ADRA2A: variants seen among roughly 807,000 people sequenced by gnomAD.
ADRA2A encodes the protein adrenoceptor alpha 2A.
In ADRA2A, 6 loss-of-function variants were observed where a neutral mutation model predicts 5.9. The ratio of observed to expected loss-of-function variants is 1.01; its 90% confidence interval spans 0.55 to 2.00. The LOEUF (loss-of-function observed/expected upper bound fraction) is 2.00, where lower values mean the gene tolerates loss of function less well. Ranked by LOEUF, ADRA2A falls within the 30% of genes most tolerant of loss-of-function variation. The pLI, the probability that ADRA2A is intolerant of heterozygous loss-of-function variation, is 0.00. For synonymous variants in ADRA2A, 345 were observed against 325.9 expected, an observed-to-expected ratio of 1.06 and a Z score of -0.63; for missense variants, 647 against 690.0, an observed-to-expected ratio of 0.94 and a Z score of 0.70.
Position 111,078,715 on chromosome 10 carries a change from G to C in ADRA2A, c.719G>C (p.Arg240Pro). Residue 240 changes from arginine to proline, a missense_variant, in exon 1 of 1, where the codon CGT becomes CCT. Physicochemically the swap from Arg to Pro is moderately radical, Grantham distance 103. This residue lies in a region of ADRA2A where 577 missense variants were observed against 605.4 expected (regional missense o/e 0.95). Transcript: ENST00000280155. ...VYVRIYQIAK[R>P]RTRVPPSRRG... is the part of the protein sequence containing the mutation. ...GTGCGCATCTACCAGATCGCCAAGC[G>C]TCGCACCCGCGTGCCACCCAGCCGC... 6.6e-7 allele frequency: 1 copy of C among 1,517,746 alleles called. No homozygotes were observed. Among genetic ancestry groups the C allele is most frequent in the Non-Finnish European group, 8.8e-7 (1 of 1,137,588 alleles). The allele number at this position is 1,517,746 out of a possible 1,614,324, so 94.0% of individuals were successfully genotyped here.
Position 111,078,823 on chromosome 10 carries a change from C to A in ADRA2A, c.827C>A (p.Pro276Gln), listed in dbSNP as rs1207591864. The A allele has an allele frequency of 8.1e-6, 10 of 1,228,580 alleles. No homozygotes were observed. The highest frequency in any genetic ancestry group is 1.0e-5 in the Non-Finnish European group (10 of 983,748). 76.1% of individuals were successfully genotyped at this position (1,228,580 alleles called of 1,614,324 possible). Residue 276 changes from proline to glutamine, a missense_variant, in exon 1 of 1, where the codon CCG becomes CAG. Pro to Gln is a moderately conservative substitution (Grantham distance 76). Around this residue, in one of 3 missense-constraint regions of ADRA2A, gnomAD observed 577 missense variants for 605.4 expected, o/e 0.95. Coordinates refer to ENST00000280155, the MANE Select transcript of ADRA2A (RefSeq NM_000681.4). ...NGLGPERSAGPGGAEAEPLPT... is the reference protein window; with the variant it reads ...NGLGPERSAGQGGAEAEPLPT... ...CTGGGCCCCGAGCGCAGCGCGGGCC[C>A]GGGGGGCGCAGAGGCCGAACCGCTG...
rs201804522 is a variant in ADRA2A, at chr10:111,079,247, C to G, written c.1251C>G (p.Ser417=). ...ACACGCTCACGGCCGTCGGGTGCTC[C>G]GTGCCACGCACGCTCTTCAAATTCT... ...FTYTLTAVGC[S]VPRTLFKFFF... is the part of the protein sequence containing the mutation. Residue 417 remains serine (S), a synonymous_variant, in exon 1 of 1, where the codon TCC becomes TCG. Transcript: ENST00000280155. The G allele has an allele frequency of 8.7e-6, 14 of 1,614,044 alleles. No individual in the cohort carries two copies. The highest frequency in any genetic ancestry group is 3.3e-5 in the South Asian group (3 of 91,082).
rs1843545672 is a variant in ADRA2A, at chr10:111,077,625, T to C, written c.-372T>C. 1 of 153,536 alleles carries C rather than the reference T, an allele frequency of 6.5e-6. No individual in the cohort carries two copies. Among genetic ancestry groups the C allele is most frequent in the Non-Finnish European group, 1.5e-5 (1 of 68,834 alleles). The allele number at this position is 153,536 out of a possible 1,614,324, so 9.5% of individuals were successfully genotyped here. A position where few individuals can be genotyped will look rare whatever the true frequency, so the allele number is the denominator to read the frequency against. ...AGATATTGATATGTATATATATATT[T>C]AATTTCCTGTCATCCTTCCAAGTTA... On this transcript the variant is annotated 5_prime_UTR_variant, in exon 1 of 1. An upstream open reading frame in the 5' UTR loses its in-frame stop. Transcript: ENST00000280155.
rs1479189264 is a variant in ADRA2A at position 111,077,831 on chromosome 10, G to A, written c.-166G>A. 2 of 1,133,390 alleles carry A rather than the reference G, an allele frequency of 1.8e-6. No homozygotes were observed. The highest frequency in any genetic ancestry group is 6.5e-5 in the East Asian group (2 of 30,602). The allele number at this position is 1,133,390 out of a possible 1,614,324, so 70.2% of individuals were successfully genotyped here. On this transcript the variant is annotated 5_prime_UTR_variant, in exon 1 of 1. Transcript: ENST00000280155. ...GCCAGGCGCAGTTCGCGGGACCCGG[G>A]CCATGGGCCGCTAGCGGTCCTCCAG...
Position 111,078,783 on chromosome 10 carries a change from C to A in ADRA2A, c.787C>A (p.Arg263Ser), listed in dbSNP as rs1453916622. ...AVAAPPGGTE[R>S]RPNGLGPERS... ...CGCCGCGCCGCCGGGGGGCACCGAG[C>A]GCAGGCCCAACGGTCTGGGCCCCGA... is the stretch of plus-strand genomic sequence containing the variant. Residue 263 changes from arginine to serine, a missense_variant, in exon 1 of 1, where the codon CGC becomes AGC. By Grantham distance (110) the Arg-to-Ser change is moderately radical. This residue lies in a region of ADRA2A where 577 missense variants were observed against 605.4 expected (regional missense o/e 0.95). Coordinates refer to ENST00000280155, the MANE Select transcript of ADRA2A (RefSeq NM_000681.4). 1 of 1,408,196 alleles carries A rather than the reference C, an allele frequency of 7.1e-7. No individual in the cohort carries two copies. 87.2% of individuals were successfully genotyped at this position (1,408,196 alleles called of 1,614,324 possible).
chr10:111,079,530 C>G lies in ADRA2A; in HGVS notation c.*136C>G, dbSNP rs1843574096. 1 of 932,552 alleles carries G rather than the reference C, an allele frequency of 1.1e-6. No individual in the cohort carries two copies. Among genetic ancestry groups the G allele is most frequent in the Non-Finnish European group, 1.6e-6 (1 of 616,680 alleles). 57.8% of individuals were successfully genotyped at this position (932,552 alleles called of 1,614,324 possible). ...TCCTCGTCTGGGGTGGCTCTGCAGC[C>G]TCCTGCGGGCGGGCGTCTGCTGCTC... On this transcript the variant is annotated 3_prime_UTR_variant, in exon 1 of 1. Transcript: ENST00000280155.
chr10:111,079,557 T>C lies in ADRA2A; in HGVS notation c.*163T>C. On this transcript the variant is annotated 3_prime_UTR_variant, in exon 1 of 1. Coordinates refer to ENST00000280155, the MANE Select transcript of ADRA2A (RefSeq NM_000681.4). Reference sequence around the variant, plus strand: ...CCTGCGGGCGGGCGTCTGCTGCTCCTACAAGGGAAGCTTCTTGCTGCCAGG... The same window carrying C: ...CCTGCGGGCGGGCGTCTGCTGCTCCCACAAGGGAAGCTTCTTGCTGCCAGG... The C allele has an allele frequency of 1.4e-6, 1 of 726,102 alleles. No individual in the cohort carries two copies. The highest frequency in any genetic ancestry group is 1.9e-5 in the South Asian group (1 of 52,944). The allele number at this position is 726,102 out of a possible 1,614,324, so 45.0% of individuals were successfully genotyped here. A position where few individuals can be genotyped will look rare whatever the true frequency, so the allele number is the denominator to read the frequency against.
chr10:111,078,719 C>A lies in ADRA2A; in HGVS notation c.723C>A (p.Arg241=). The change falls in exon 1 of 1, where the codon CGC becomes CGA. Residue 241 remains arginine, a synonymous_variant. Transcript: ENST00000280155. The part of the protein sequence containing the change: ...YVRIYQIAKR[R]TRVPPSRRGP... ...GCATCTACCAGATCGCCAAGCGTCG[C>A]ACCCGCGTGCCACCCAGCCGCCGGG... 1 of 1,513,146 alleles carries A rather than the reference C, an allele frequency of 6.6e-7. No homozygotes were observed. Among genetic ancestry groups the A allele is most frequent in the South Asian group, 1.3e-5 (1 of 74,148 alleles). The allele number at this position is 1,513,146 out of a possible 1,614,324, so 93.7% of individuals were successfully genotyped here.
Position 111,079,863 on chromosome 10 carries a change from C to G in ADRA2A, c.*469C>G, listed in dbSNP as rs1271267080. Reference sequence around the variant, plus strand: ...GCAGCCCTGCCTGCCCTCCCCATCCCCCGCTGTAAATATACACTATTTTTG... The same window carrying G: ...GCAGCCCTGCCTGCCCTCCCCATCCGCCGCTGTAAATATACACTATTTTTG... On this transcript the variant is annotated 3_prime_UTR_variant, in exon 1 of 1. Transcript: ENST00000280155. 5.6e-6 allele frequency: 1 copy of G among 179,256 alleles called. No individual in the cohort carries two copies. Among genetic ancestry groups the G allele is most frequent in the Non-Finnish European group, 1.3e-5 (1 of 75,830 alleles). The allele number at this position is 179,256 out of a possible 1,614,324, so 11.1% of individuals were successfully genotyped here.
At position 111,078,220 on chromosome 10, in the gene ADRA2A, C is replaced by T. The variant is rs774962215; in HGVS notation, c.224C>T (p.Thr75Met). ...GTGCTCGTCATCATCGCCGTGTTCA[C>T]GAGCCGCGCGCTCAAGGCGCCCCAA... ...GNVLVIIAVF[T>M]SRALKAPQNL... Residue 75 changes from threonine to methionine, a missense_variant, in exon 1 of 1, where the codon ACG becomes ATG. Physicochemically the swap from Thr to Met is moderately conservative, Grantham distance 81. Coordinates refer to ENST00000280155, the MANE Select transcript of ADRA2A (RefSeq NM_000681.4). 6 of 1,613,380 alleles carry T rather than the reference C, an allele frequency of 3.7e-6. No homozygotes were observed. The highest frequency in any genetic ancestry group is 1.1e-5 in the South Asian group (1 of 91,050).
In ADRA2A at chr10:111,077,804, G is replaced by C. The variant is rs1393941569; in HGVS notation, c.-193G>C. 1 of 814,310 alleles carries C rather than the reference G, an allele frequency of 1.2e-6. No homozygotes were observed. Among genetic ancestry groups the C allele is most frequent in the South Asian group, 5.7e-5 (1 of 17,520 alleles). 50.4% of individuals were successfully genotyped at this position (814,310 alleles called of 1,614,324 possible). A position where few individuals can be genotyped will look rare whatever the true frequency, so the allele number is the denominator to read the frequency against. ...CGCCCACCGAGAGCGTCTGAAGCGC[G>C]AGCCAGGCGCAGTTCGCGGGACCCG... is the stretch of plus-strand genomic sequence containing the variant. On this transcript the variant is annotated 5_prime_UTR_variant, in exon 1 of 1. Coordinates refer to ENST00000280155, the MANE Select transcript of ADRA2A (RefSeq NM_000681.4).
chr10:111,077,290 C>A lies in ADRA2A; in HGVS notation c.-707C>A. ...GTGCCTTCATGCGGCCCCCACACTC[C>A]TCACCCCGCCGCCGCCGCCGTCCCG... On this transcript the variant is annotated 5_prime_UTR_variant, in exon 1 of 1. Transcript: ENST00000280155. 6.5e-6 allele frequency: 1 copy of A among 152,972 alleles called. No homozygotes were observed. The highest frequency in any genetic ancestry group is 2.0e-4 in the South Asian group (1 of 4,930). 9.5% of individuals were successfully genotyped at this position (152,972 alleles called of 1,614,324 possible).
chr10:111,079,306 A>G lies in ADRA2A; in HGVS notation c.1310A>G (p.Asn437Ser), dbSNP rs1843571610. ...FWFGYCNSSL[N>S]PVIYTIFNHD... is the part of the protein sequence containing the mutation. ...TTCGGCTACTGCAACAGCTCGTTGA[A>G]CCCGGTCATCTACACCATCTTCAAC... is the stretch of plus-strand genomic sequence containing the variant. Residue 437 changes from asparagine to serine, a missense_variant, in exon 1 of 1, where the codon AAC becomes AGC. This residue lies in a region of ADRA2A where 62 missense variants were observed against 59.8 expected (regional missense o/e 1.04). Transcript: ENST00000280155. The G allele has an allele frequency of 6.2e-7, 1 of 1,613,030 alleles. No individual in the cohort carries two copies. Among genetic ancestry groups the G allele is most frequent in the Admixed American group, 1.7e-5 (1 of 59,948 alleles).
chr10:111,079,723 C>T lies in ADRA2A; in HGVS notation c.*329C>T. ...AGCCCTCACAGCTCTTCAGAGCAAG[C>T]ACTGGACTACAAGGGCATGGCTCAC... On this transcript the variant is annotated 3_prime_UTR_variant, in exon 1 of 1. Transcript: ENST00000280155. The T allele has an allele frequency of 2.7e-6, 1 of 377,126 alleles. No homozygotes were observed. The highest frequency in any genetic ancestry group is 5.0e-6 in the Non-Finnish European group (1 of 198,388). The allele number at this position is 377,126 out of a possible 1,614,324, so 23.4% of individuals were successfully genotyped here.
chr10:111,079,082 AG>A lies in ADRA2A; in HGVS notation c.1089del (p.Pro364ArgfsTer73). On this transcript the variant is annotated frameshift_variant, in exon 1 of 1. Transcript: ENST00000280155. LOFTEE classifies it high-confidence loss of function. ...GATGIGTPAA[G>X]PGEERVGAAK... ...CGACGGGGATCGGGACGCCGGCTGC[AG>A]GGCCGGGGGAGGAGCGCGTCGGGGC... 2 of 1,420,910 alleles carry A rather than the reference AG, an allele frequency of 1.4e-6. No homozygotes were observed. Among genetic ancestry groups the A allele is most frequent in the Non-Finnish European group, 1.8e-6 (2 of 1,092,216 alleles). The allele number at this position is 1,420,910 out of a possible 1,614,324, so 88.0% of individuals were successfully genotyped here.
In ADRA2A at chr10:111,079,524, T is replaced by C; in HGVS notation, c.*130T>C. The C allele has an allele frequency of 1.0e-6, 1 of 988,310 alleles. No homozygotes were observed. 61.2% of individuals were successfully genotyped at this position (988,310 alleles called of 1,614,324 possible). On this transcript the variant is annotated 3_prime_UTR_variant, in exon 1 of 1. Coordinates refer to ENST00000280155, the MANE Select transcript of ADRA2A (RefSeq NM_000681.4). The stretch of plus-strand genomic sequence containing the variant: ...TGCGTTTCCTCGTCTGGGGTGGCTC[T>C]GCAGCCTCCTGCGGGCGGGCGTCTG...
chr10:111,077,992 C>G lies in ADRA2A; in HGVS notation c.-5C>G, dbSNP rs1843550397. ...GCAGGCCCAGGCCAGCGGGCGCCCG[C>G]GTTCATGTTCCGCCAGGAGCAGCCG... On this transcript the variant is annotated 5_prime_UTR_variant, in exon 1 of 1. Transcript: ENST00000280155. The G allele has an allele frequency of 2.9e-6, 4 of 1,391,514 alleles. No individual in the cohort carries two copies. The highest frequency in any genetic ancestry group is 3.3e-5 in the South Asian group (2 of 61,218). The allele number at this position is 1,391,514 out of a possible 1,614,324, so 86.2% of individuals were successfully genotyped here.
In ADRA2A at chr10:111,078,509, C is replaced by T. The variant is rs1419817588; in HGVS notation, c.513C>T (p.Thr171=). The T allele has an allele frequency of 1.2e-6, 2 of 1,612,098 alleles. No individual in the cohort carries two copies. Among genetic ancestry groups the T allele is most frequent in the African/African-American group, 2.7e-5 (2 of 75,008 alleles). ...GCCGCATCAAGGCCATCATCATCAC[C>T]GTGTGGGTCATCTCGGCCGTCATCT... ...TPRRIKAIII[T]VWVISAVISF... The change falls in exon 1 of 1, where the codon ACC becomes ACT. Residue 171 remains threonine, a synonymous_variant. Transcript: ENST00000280155.
chr10:111,079,095 G>T lies in ADRA2A; in HGVS notation c.1099G>T (p.Glu367Ter). The change falls in exon 1 of 1, where the codon GAG (glutamate) becomes TAG (stop). Residue 367 changes from glutamate (E) to a stop codon, truncating the protein, a stop_gained. Transcript: ENST00000280155. LOFTEE classifies it high-confidence loss of function. ...GACGCCGGCTGCAGGGCCGGGGGAG[G>T]AGCGCGTCGGGGCTGCCAAGGCGTC... is the stretch of plus-strand genomic sequence containing the variant. ...IGTPAAGPGE[E>*]RVGAAKASRW... The T allele has an allele frequency of 6.5e-7, 1 of 1,527,028 alleles. No individual in the cohort carries two copies. 94.6% of individuals were successfully genotyped at this position (1,527,028 alleles called of 1,614,324 possible).
Sources: allele counts gnomAD v4.1 joint callset, GRCh38; gene constraint gnomAD v4.1.1; regional missense constraint gnomAD v4.1.1; transcripts MANE v1.5; gene names NCBI Gene and HGNC (gene_info 2026-07-23, HGNC 2026-07-21).